HEATR4: variants seen among roughly 807,000 people sequenced by gnomAD.
HEATR4 encodes the protein HEAT repeat-containing protein 4.
Under a neutral mutation model 108.8 loss-of-function variants are expected in HEATR4, and 95 were observed. The observed-to-expected ratio is 0.87, with a 90% CI of 0.74 to 1.04. The LOEUF is 1.04. HEATR4 is among the 50% of genes least tolerant of loss of function. HEATR4 has a pLI of 0.00. For synonymous variants in HEATR4, 443 were observed against 459.4 expected, an observed-to-expected ratio of 0.96 and a Z score of 0.46; for missense variants, 1,152 against 1,253.8, an observed-to-expected ratio of 0.92 and a Z score of 1.23.
chr14:73,593,529 G>C, the HEATR4 span, among the ~76,000 whole-genome samples: 1 of 151,388 alleles, frequency 6.6e-6, no homozygotes, highest in Non-Finnish European at 1.5e-5. Context: ...AGATTGTAGA[G>C]ATGGGGTCTC....
chr14:73,529,354 CAA>C (rs10605851), intron 2 of HEATR4, among the ~76,000 whole-genome samples: 5,538 of 87,210 alleles, frequency 0.064, 108 homozygotes, highest in Non-Finnish European at 0.093. Context: ...GACTCTGTCT[CAA>C]AAAAAAAAAA....
the HEATR4 span, among the ~76,000 whole-genome samples, chr14:73,624,583 G>A: frequency 1.3e-5 from 2 of 152,066 alleles, no homozygotes; most frequent in Non-Finnish European, 2.9e-5. Context: ...TCCAGCCTGG[G>A]TGACAGAGAA....
Position 73,514,189 on chromosome 14 carries a change from G to C in HEATR4, c.1256C>G (p.Thr419Ser). 1 of 1,614,184 alleles carries C rather than the reference G, an allele frequency of 6.2e-7. No individual in the cohort carries two copies. ...QGALRWTALPTPAKDMLLQVG... is the reference protein window; with the variant it reads ...QGALRWTALPSPAKDMLLQVG... ...CTGCAGCAGCATATCCTTGGCGGGGGTGGGCAAAGCAGTCCAGCGCAGGGC... is the reference window on the plus strand; with the variant it reads ...CTGCAGCAGCATATCCTTGGCGGGGCTGGGCAAAGCAGTCCAGCGCAGGGC... Residue 419 changes from threonine (T) to serine (S), a missense_variant, in exon 6 of 18, where the codon ACC becomes AGC. By Grantham distance (58) the Thr-to-Ser change is moderately conservative (BLOSUM62 1). Transcript: ENST00000553558.
chr14:73,530,794 ATTTTTT>A (rs59208614), intron 1 of HEATR4, among the ~76,000 whole-genome samples: 11 of 57,772 alleles, frequency 1.9e-4, no homozygotes, highest in African/African-American at 7.4e-4. Context: ...TCTCGGTTAA[ATTTTTT>A]TTTTTTTTTT....
chr14:73,610,831 C>T, the HEATR4 span: 6 of 152,124 alleles, frequency 3.9e-5, no homozygotes, highest in Non-Finnish European at 8.8e-5. Context: ...CTGGAATAGC[C>T]CTGGCTCTAT....
rs142623987 is a variant in HEATR4 at position 73,522,668 on chromosome 14, C to T, written c.485G>A (p.Arg162His). ...KPASTVREAPRPLIHHPCMHP... is the reference protein window; with the variant it reads ...KPASTVREAPHPLIHHPCMHP... ...CATGCAGGGATGATGGATGAGAGGG[C>T]GGGGTGCTTCCCGGACGGTGCTGGC... is the stretch of plus-strand genomic sequence containing the variant. Residue 162 changes from arginine to histidine, a missense_variant, in exon 3 of 18, where the codon CGC (arginine) becomes CAC (histidine). Physicochemically the swap from Arg to His is conservative, Grantham distance 29. Coordinates refer to ENST00000553558, the MANE Select transcript of HEATR4 (RefSeq NM_001220484.1). 17 of 1,614,052 alleles carry T rather than the reference C, an allele frequency of 1.1e-5. No individual in the cohort carries two copies. Among genetic ancestry groups the T allele is most frequent in the South Asian group, 3.3e-5 (3 of 91,082 alleles).
At chr14:73,600,961 C>T in the HEATR4 span, among the ~76,000 whole-genome samples, 21 of 148,688 alleles carry the variant, frequency 1.4e-4, no homozygotes, top group East Asian at 1.7e-3. Context: ...GCCAACATGG[C>T]GAAACCCCAT....
chr14:73,490,960 G>A, intron 17 of HEATR4: 1 of 1,293,432 alleles, frequency 7.7e-7, no homozygotes, highest in South Asian at 2.5e-5. Flanking sequence ...CTGCATTCAG[G>A]AACCGCTTTA....
the HEATR4 span, chr14:73,574,263 A>ATTTTTT: frequency 3.7e-5 from 4 of 107,454 alleles, no homozygotes; most frequent in South Asian, 1.2e-3. Flanking sequence ...AAATTCCAGT[A>ATTTTTT]TTTTTTTTTT....
chr14:73,619,196 A>C, the HEATR4 span: 7 of 1,521,880 alleles, frequency 4.6e-6, no homozygotes, highest in Non-Finnish European at 6.1e-6. Flanking sequence ...TCCATTTATG[A>C]ATTCTAAGCT....
chr14:73,561,946 T>C (rs1889536194), upstream of HEATR4, among the ~76,000 whole-genome samples: 1 of 152,072 alleles, frequency 6.6e-6, no homozygotes. Flanking sequence ...ATCTTGCCAC[T>C]GCACTCCAGA....
At chr14:73,631,613 G>T in the HEATR4 span, 1 of 164,104 alleles carries the variant, frequency 6.1e-6, no homozygotes, top group South Asian at 1.6e-4. Context: ...GACCCCAGAA[G>T]AACGGGTCGC....
intron 17 of HEATR4, among the ~76,000 whole-genome samples, chr14:73,482,146 G>A (rs1304978002): frequency 6.6e-6 from 1 of 151,670 alleles, no homozygotes; most frequent in Non-Finnish European, 1.5e-5. Context: ...AGCACTTTAG[G>A]AGGCCCACGC....
At chr14:73,592,014 G>C in the HEATR4 span, 16 of 1,434,902 alleles carry the variant, frequency 1.1e-5, no homozygotes, top group East Asian at 3.0e-5. Context: ...GAACGAGCCG[G>C]TGCGCATTGC....
intron 17 of HEATR4, among the ~76,000 whole-genome samples, chr14:73,483,655 G>A (rs1433467369): frequency 1.3e-5 from 2 of 151,966 alleles, no homozygotes; most frequent in Non-Finnish European, 2.9e-5. Context: ...TTTTTAAGAT[G>A]TAATTTTAAT....
rs1408216463 is a variant in HEATR4 at position 73,491,720 on chromosome 14, C to A, written c.2844+1346G>T. The A allele has an allele frequency of 1.9e-6, 3 of 1,551,542 alleles. No homozygotes were observed. In the African/African-American group the frequency reaches 4.1e-5, roughly 21 times the overall value. On this transcript the variant is annotated intron_variant, in intron 17 of 17. Transcript: ENST00000553558. ...GGCGGTGCTGGTGCGGCGGCAGGAC[C>A]ACACCTACTACCAGGGACTTTTCTC...
the HEATR4 span, among the ~76,000 whole-genome samples, chr14:73,576,474 A>T: frequency 6.6e-6 from 1 of 152,014 alleles, no homozygotes; most frequent in African/African-American, 2.4e-5. Flanking sequence ...GATGAATTAC[A>T]TAAGTGATTT....
chr14:73,593,715 C>A, the HEATR4 span: 8 of 1,611,674 alleles, frequency 5.0e-6, no homozygotes, highest in South Asian at 8.8e-5. Context: ...CTGGACCCTT[C>A]CCAGGGATCA....
Position 73,520,959 on chromosome 14 carries a change from G to A in HEATR4, c.962C>T (p.Thr321Met), listed in dbSNP as rs745508854. The A allele has an allele frequency of 7.5e-6, 12 of 1,609,688 alleles. No homozygotes were observed. Among genetic ancestry groups the A allele is most frequent in the Middle Eastern group, 1.7e-4 (1 of 6,040 alleles). ...NKSTEDIHEK[T>M]SLSQPQTQSY... ...CTGGGTTTGGGGCTGGGAGAGGCTC[G>A]TCTTTTCATGGATATCCTCAGTGCT... The change falls in exon 4 of 18, where the codon ACG becomes ATG. Residue 321 changes from threonine (T) to methionine (M), a missense_variant. Physicochemically the swap from Thr to Met is moderately conservative, Grantham distance 81 (BLOSUM62 -1). Transcript: ENST00000553558.
Sources: allele counts gnomAD v4.1 joint callset (sites outside exome capture counted in the v4.1 genomes callset), GRCh38; gene constraint gnomAD v4.1.1; transcripts MANE v1.5; gene names NCBI Gene and HGNC (gene_info 2026-07-23, HGNC 2026-07-21).